Variants in PSMB7 observed in about 807,000 individuals in gnomAD.
PSMB7 encodes proteasome 20S subunit beta 7, also known as proteasome subunit beta type-7.
In PSMB7, 5 loss-of-function variants were observed where a neutral mutation model predicts 28.1. The observed-to-expected ratio is 0.18, with a 90% confidence interval of 0.09 to 0.37. The LOEUF is 0.37. PSMB7 is among the 10% of genes least tolerant of loss of function. The pLI, the probability that PSMB7 is intolerant of heterozygous loss-of-function variation, is 1.00. For synonymous variants in PSMB7, 122 were observed against 123.7 expected, an observed-to-expected ratio of 0.99 and a Z score of 0.09; for missense variants, 275 against 346.2, an observed-to-expected ratio of 0.79 and a Z score of 1.63.
At chr9:124,386,146 T>TAA (rs200787837) in intron 5 of PSMB7, among the ~76,000 whole-genome samples, 149 of 123,166 alleles carry the variant, frequency 1.2e-3, no homozygotes, top group Admixed American at 2.1e-3. Flanking sequence ...TTTTTCTCCT[T>TAA]AAAAAAAAAA....
chr9:124,405,478 G>T, intron 4 of PSMB7, 46 bp from the exon 5 acceptor site: 1 of 1,351,304 alleles, frequency 7.4e-7, no homozygotes. Context: ...AGTCCACAAA[G>T]CATCACTGTA....
chr9:124,373,911 GA>G (rs1191193167), intron 6 of PSMB7, among the ~76,000 whole-genome samples: 38 of 152,136 alleles, frequency 2.5e-4, no homozygotes, highest in African/African-American at 9.2e-4. Context: ...CTTCCCAAGA[GA>G]AATCATAACA....
intron 6 of PSMB7, among the ~76,000 whole-genome samples, chr9:124,374,976 A>T (rs1457507472): frequency 1.3e-5 from 2 of 152,040 alleles, no homozygotes; most frequent in Admixed American, 6.5e-5. Context: ...CACCATCTCT[A>T]CTAAAAATAC....
chr9:124,378,217 T>C (rs1199958945), intron 6 of PSMB7, among the ~76,000 whole-genome samples: 3 of 152,264 alleles, frequency 2.0e-5, no homozygotes, highest in Non-Finnish European at 4.4e-5. Flanking sequence ...TTGTGCACTA[T>C]CTGCTGTGGC....
At chr9:124,366,543 T>C (rs1830510457) in intron 6 of PSMB7, among the ~76,000 whole-genome samples, 1 of 152,234 alleles carries the variant, frequency 6.6e-6, no homozygotes, top group South Asian at 2.1e-4. Flanking sequence ...AAGGTTACGG[T>C]AATTACCGAA....
chr9:124,371,569 A>G (rs1253406371), intron 6 of PSMB7, among the ~76,000 whole-genome samples: 3 of 152,218 alleles, frequency 2.0e-5, no homozygotes, highest in African/African-American at 4.8e-5. Context: ...TCTTTTCCCA[A>G]TGAAAATCTT....
At chr9:124,379,726 T>C (rs1264645779) in intron 6 of PSMB7, among the ~76,000 whole-genome samples, 1 of 152,234 alleles carries the variant, frequency 6.6e-6, no homozygotes, top group East Asian at 1.9e-4. Context: ...TTTCCCTGTG[T>C]CCTTAATGGG....
chr9:124,372,998 G>A (rs1313330058), intron 6 of PSMB7, among the ~76,000 whole-genome samples: 6 of 152,198 alleles, frequency 3.9e-5, no homozygotes, highest in Non-Finnish European at 7.3e-5. Flanking sequence ...ACTGAAGAGG[G>A]CAGCCTTAAC....
rs1389185264 is a variant in PSMB7 at position 124,414,004 on chromosome 9, T to A, written c.158A>T (p.Asp53Val). The A allele has an allele frequency of 6.2e-7, 1 of 1,605,098 alleles. No individual in the cohort carries two copies. The highest frequency in any genetic ancestry group is 2.2e-5 in the East Asian group (1 of 44,816). Residue 53 changes from aspartate (D) to valine (V), a missense_variant and splice_region_variant, in exon 3 of 8, where the codon GAT becomes GTT. Around this residue, in one of 2 missense-constraint regions of PSMB7, gnomAD observed 213 missense variants for 302.4 expected, o/e 0.70. Transcript: ENST00000259457. ...TGTATCTGCTCCAAGAACTATGCCA[T>A]CCTATTAAAAAAAAAAGTTTTTAAA... ...GTTIAGVVYK[D>V]GIVLGADTRA... is the part of the protein sequence containing the mutation.
At chr9:124,400,465 G>A (rs566786849) in intron 5 of PSMB7, among the ~76,000 whole-genome samples, 8 of 152,266 alleles carry the variant, frequency 5.3e-5, no homozygotes, top group South Asian at 4.1e-4. Flanking sequence ...GCCTCTGTCC[G>A]GAGAATTCCA....
intron 6 of PSMB7, among the ~76,000 whole-genome samples, chr9:124,361,613 T>C (rs1830466001): frequency 6.6e-6 from 1 of 152,246 alleles, no homozygotes; most frequent in Non-Finnish European, 1.5e-5. Context: ...ACTAGTAGCA[T>C]CTTTAAAAGA....
At chr9:124,366,728 C>T (rs1830511925) in intron 6 of PSMB7, among the ~76,000 whole-genome samples, 1 of 152,246 alleles carries the variant, frequency 6.6e-6, no homozygotes, top group African/African-American at 2.4e-5. Context: ...GACAGATACA[C>T]CATTTTTTAT....
intron 5 of PSMB7, chr9:124,396,895 C>G (rs979097858): frequency 4.5e-6 from 2 of 447,228 alleles, no homozygotes; most frequent in African/African-American, 4.1e-5. Context: ...TTAAAAGAAC[C>G]CACATTATGT....
intron 4 of PSMB7, among the ~76,000 whole-genome samples, chr9:124,408,249 C>T (rs1169288716): frequency 6.6e-6 from 1 of 152,058 alleles, no homozygotes; most frequent in Non-Finnish European, 1.5e-5. Flanking sequence ...GGTAGTACAA[C>T]GTTTGTCAAG....
chr9:124,406,351 A>T (rs577982640), intron 4 of PSMB7, among the ~76,000 whole-genome samples: 1 of 151,974 alleles, frequency 6.6e-6, no homozygotes, highest in African/African-American at 2.4e-5. Context: ...AAATACAAAA[A>T]ATTAGCAAGG....
rs768849763 is a variant in PSMB7, at chr9:124,415,368, G to A, written c.58C>T (p.Arg20Cys). The A allele has an allele frequency of 1.5e-5, 24 of 1,613,974 alleles. No individual in the cohort carries two copies. In the South Asian group the frequency reaches 2.5e-4, roughly 17 times the overall value. Residue 20 changes from arginine (R) to cysteine (C), a missense_variant, in exon 1 of 8, where the codon CGC (arginine) becomes TGC (cysteine). Arg to Cys is a radical substitution (Grantham distance 180). Coordinates refer to ENST00000259457, the MANE Select transcript of PSMB7 (RefSeq NM_002799.4). ...PVGGFSFDNC[R>C]RNAVLEADFA... ...AAGCCCCAAGCAAGGCGGCACCTGCGGCAGTTATCAAAAGAGAAGCCTCCA... is the reference window on the plus strand; with the variant it reads ...AAGCCCCAAGCAAGGCGGCACCTGCAGCAGTTATCAAAAGAGAAGCCTCCA...
At chr9:124,395,374 T>A (rs1830829387) in intron 5 of PSMB7, among the ~76,000 whole-genome samples, 1 of 150,634 alleles carries the variant, frequency 6.6e-6, no homozygotes, top group Non-Finnish European at 1.5e-5. Flanking sequence ...GTGCCCATAG[T>A]CCCAACTACT....
chr9:124,405,259 A>C (rs997441695), intron 5 of PSMB7, 58 bp downstream of exon 5: 3 of 1,228,400 alleles, frequency 2.4e-6, no homozygotes, highest in Non-Finnish European at 3.6e-6. Flanking sequence ...CCAGCTCTTC[A>C]AGAGACCATC....
intron 6 of PSMB7, among the ~76,000 whole-genome samples, chr9:124,363,983 T>C (rs1329516189): frequency 1.3e-5 from 2 of 152,050 alleles, no homozygotes; most frequent in Non-Finnish European, 2.9e-5. Context: ...GTGCCCTTCG[T>C]AAGTATGAGA....
Sources: gnomAD v4.1 joint callset for allele counts (sites outside exome capture counted in the v4.1 genomes callset) on GRCh38, gnomAD v4.1.1 for gene constraint, gnomAD v4.1.1 regional missense constraint, MANE v1.5 for transcripts, NCBI Gene and HGNC (gene_info 2026-07-23, HGNC 2026-07-21) for gene names.